DYNC1I1: variants seen among roughly 807,000 people sequenced by gnomAD.
DYNC1I1 encodes dynein cytoplasmic 1 intermediate chain 1.
DYNC1I1 carries 43 observed loss-of-function variants against 86.6 expected under a neutral mutation model. The observed-to-expected ratio is 0.50, with a 90% CI of 0.39 to 0.64. The LOEUF (loss-of-function observed/expected upper bound fraction) is 0.64. DYNC1I1 is among the 30% of genes least tolerant of loss of function. DYNC1I1 has a pLI of 0.00. For synonymous variants in DYNC1I1, 262 were observed against 283.7 expected, an observed-to-expected ratio of 0.92 and a Z score of 0.77; for missense variants, 604 against 788.8, an observed-to-expected ratio of 0.77 and a Z score of 2.81.
chr7:96,104,777 T>G (rs1791190432), intron 16 of DYNC1I1, among the ~76,000 whole-genome samples: 1 of 152,188 alleles, frequency 6.6e-6, no homozygotes, highest in Non-Finnish European at 1.5e-5. Context: ...GCAATAGCTG[T>G]GTATTAATTC....
At chr7:95,962,076 T>C (rs564153924) in intron 6 of DYNC1I1, among the ~76,000 whole-genome samples, 1 of 152,312 alleles carries the variant, frequency 6.6e-6, no homozygotes, top group South Asian at 2.1e-4. Flanking sequence ...CAGTACTCAA[T>C]TTTATTCACT....
At chr7:95,813,154 G>A (rs780514531) in intron 3 of DYNC1I1, 93 bp from the exon 4 acceptor site, 1 of 1,546,566 alleles carries the variant, frequency 6.5e-7, no homozygotes, top group Non-Finnish European at 8.7e-7. Context: ...ACTTTAATTT[G>A]GGCCCATTTG....
intron 6 of DYNC1I1, among the ~76,000 whole-genome samples, chr7:95,873,793 T>C (rs913823003): frequency 6.6e-6 from 1 of 151,926 alleles, no homozygotes; most frequent in African/African-American, 2.4e-5. Context: ...GTGTAGAACA[T>C]GGTTTGGAGG....
At position 96,098,167 on chromosome 7, in the gene DYNC1I1, T is replaced by C; in HGVS notation, c.*574T>C. 1.0e-6 allele frequency: 1 copy of C among 985,948 alleles called. No homozygotes were observed. The highest frequency in any genetic ancestry group is 1.2e-6 in the Non-Finnish European group (1 of 829,966). The allele number at this position is 985,948 out of a possible 1,614,324, so 61.1% of individuals were successfully genotyped here. On this transcript the variant is annotated 3_prime_UTR_variant, in exon 17 of 17. Transcript: ENST00000447467. The stretch of plus-strand genomic sequence containing the variant: ...GAGCATGTGCATAATGAGAGGACTG[T>C]ATTCTCTCTGCTGCTGTTGAGGTTA...
chr7:95,990,822 G>A (rs1584231721), intron 9 of DYNC1I1, among the ~76,000 whole-genome samples: 2 of 152,190 alleles, frequency 1.3e-5, no homozygotes, highest in African/African-American at 4.8e-5. Flanking sequence ...TTGAGCCCAG[G>A]AGTTCAAGAC....
chr7:95,953,420 G>C (rs959017456), intron 6 of DYNC1I1, among the ~76,000 whole-genome samples: 2 of 151,928 alleles, frequency 1.3e-5, no homozygotes, highest in African/African-American at 2.4e-5. Flanking sequence ...GAAAGAAAGA[G>C]AGAGAGAGAG....
At chr7:95,858,927 T>C (rs1789800486) in intron 5 of DYNC1I1, among the ~76,000 whole-genome samples, 1 of 146,786 alleles carries the variant, frequency 6.8e-6, no homozygotes, top group Admixed American at 6.8e-5. Flanking sequence ...ATATTTATTA[T>C]ATTATATATT....
chr7:95,858,921 TTATTATATTATA>T (rs1789800399), intron 5 of DYNC1I1, among the ~76,000 whole-genome samples: 1 of 146,872 alleles, frequency 6.8e-6, no homozygotes, highest in Admixed American at 6.8e-5. Context: ...AATAATATAT[TTATTATATTATA>T]TATTATATTA....
chr7:96,039,607 A>G (rs1011124278), intron 14 of DYNC1I1, among the ~76,000 whole-genome samples, 186 bp downstream of exon 14: 5 of 152,188 alleles, frequency 3.3e-5, no homozygotes, highest in African/African-American at 7.2e-5. Flanking sequence ...TTACACATAT[A>G]GGTAATACTT....
chr7:96,067,662 G>A (rs962928315), intron 14 of DYNC1I1, among the ~76,000 whole-genome samples: 4 of 151,964 alleles, frequency 2.6e-5, no homozygotes, highest in East Asian at 1.9e-4. Context: ...TTATGCAGAC[G>A]TGTGAATAAT....
At chr7:95,913,342 G>C (rs1298017016) in intron 6 of DYNC1I1, among the ~76,000 whole-genome samples, 1 of 152,170 alleles carries the variant, frequency 6.6e-6, no homozygotes, top group African/African-American at 2.4e-5. Flanking sequence ...ATATGAAAGA[G>C]AGCTGGACAT....
intron 4 of DYNC1I1, among the ~76,000 whole-genome samples, chr7:95,824,731 G>A (rs1185491766): frequency 6.6e-6 from 1 of 152,182 alleles, no homozygotes; most frequent in Non-Finnish European, 1.5e-5. Context: ...AAGGAGATTT[G>A]CCTGATGACA....
At chr7:95,779,560 A>G (rs917807461) in intron 1 of DYNC1I1, among the ~76,000 whole-genome samples, 2 of 152,214 alleles carry the variant, frequency 1.3e-5, no homozygotes. Context: ...AACCAAAGGT[A>G]TGCTTTGTTT....
rs188524815 is a variant in DYNC1I1 at position 96,020,198 on chromosome 7, C to T, written c.970-7977C>T. Reference sequence around the variant, plus strand: ...GGTGGAATGTAAAATGGTGCGGCTGCTTGCATTAGTCTGTTTTCACACTGT... The same window carrying T: ...GGTGGAATGTAAAATGGTGCGGCTGTTTGCATTAGTCTGTTTTCACACTGT... On this transcript the variant is annotated intron_variant, in intron 10 of 16. Transcript: ENST00000447467. 6.3e-3 allele frequency among the ~76,000 whole-genome samples: 952 copies of T among 151,532 alleles called. 14 individuals are homozygous for T. The highest frequency in any genetic ancestry group is 0.022 in the African/African-American group (897 of 41,292).
intron 1 of DYNC1I1, among the ~76,000 whole-genome samples, chr7:95,780,913 C>T (rs1391329457): frequency 2.6e-5 from 4 of 151,950 alleles, no homozygotes; most frequent in South Asian, 2.1e-4. Context: ...AACGACCGTG[C>T]GTCTACTGTT....
chr7:96,049,874 A>G (rs1245677399), intron 14 of DYNC1I1, among the ~76,000 whole-genome samples: 1 of 151,956 alleles, frequency 6.6e-6, no homozygotes, highest in African/African-American at 2.4e-5. Flanking sequence ...CCTACTAACA[A>G]TACAAAAAAT....
At chr7:95,923,259 C>T (rs1562944992) in intron 6 of DYNC1I1, among the ~76,000 whole-genome samples, 1 of 151,876 alleles carries the variant, frequency 6.6e-6, no homozygotes, top group African/African-American at 2.4e-5. Flanking sequence ...TTTATTTGAC[C>T]AGGATAAGGT....
At chr7:95,814,243 A>G (rs947826244) in intron 4 of DYNC1I1, among the ~76,000 whole-genome samples, 3 of 152,200 alleles carry the variant, frequency 2.0e-5, no homozygotes, top group African/African-American at 4.8e-5. Flanking sequence ...TCAGATATTC[A>G]GGTGATAATC....
intron 11 of DYNC1I1, 40 bp from the exon 12 acceptor site, chr7:96,032,627 T>G: frequency 6.8e-7 from 1 of 1,474,160 alleles, no homozygotes; most frequent in South Asian, 1.2e-5. Context: ...GCATTTCCTC[T>G]TGGATCTGTC....
Sources: gnomAD v4.1 joint callset for allele counts (sites outside exome capture counted in the v4.1 genomes callset) on GRCh38, gnomAD v4.1.1 for gene constraint, MANE v1.5 for transcripts, NCBI Gene and HGNC (gene_info 2026-07-23, HGNC 2026-07-21) for gene names.